The following TBC1D12 variants were observed in gnomAD, a reference collection of about 807,000 sequenced individuals.
TBC1D12 encodes the protein TBC1 domain family member 12.
Under a neutral mutation model 86.7 loss-of-function variants are expected in TBC1D12, and 56 were observed. That is an observed-to-expected ratio of 0.65 (90% CI 0.52 to 0.81). The LOEUF (loss-of-function observed/expected upper bound fraction) is 0.81, where lower values mean the gene tolerates loss of function less well. TBC1D12 is among the 30% of genes least tolerant of loss of function. The pLI is 0.00. For synonymous variants in TBC1D12, 421 were observed against 411.7 expected (o/e 1.02, Z -0.27); for missense variants, 1,023 against 1,038.8 (o/e 0.98, Z 0.21).
chr10:94,487,103 A>T (rs991126207), intron 3 of TBC1D12, among the ~76,000 whole-genome samples: 3 of 151,966 alleles, frequency 2.0e-5, no homozygotes, highest in Non-Finnish European at 2.9e-5. Context: ...GAAGTCTATT[A>T]TGTCTGACAT....
intron 6 of TBC1D12, among the ~76,000 whole-genome samples, chr10:94,504,835 A>G (rs1323589913): frequency 1.3e-5 from 2 of 152,246 alleles, no homozygotes; most frequent in African/African-American, 2.4e-5. Context: ...TCACAAAATC[A>G]GAAAGCAAAA....
intron 2 of TBC1D12, chr10:94,447,781 G>T (rs989607663): frequency 1.8e-6 from 1 of 551,170 alleles, no homozygotes; most frequent in Non-Finnish European, 2.3e-6. Context: ...AGGTAAAGTT[G>T]GAATAGCTAC....
chr10:94,439,294 C>T (rs1355646421), intron 1 of TBC1D12, among the ~76,000 whole-genome samples: 3 of 152,160 alleles, frequency 2.0e-5, no homozygotes, highest in South Asian at 2.1e-4. Context: ...TTTCTTAAAC[C>T]ATGGTGACAA....
intron 1 of TBC1D12, among the ~76,000 whole-genome samples, chr10:94,437,553 C>T (rs913108969): frequency 6.6e-6 from 1 of 152,052 alleles, no homozygotes; most frequent in African/African-American, 2.4e-5. Flanking sequence ...GTCTCGATTT[C>T]CTGACTTTGT....
intron 9 of TBC1D12, among the ~76,000 whole-genome samples, chr10:94,515,347 T>G (rs2056578708): frequency 1.3e-5 from 2 of 151,902 alleles, no homozygotes; most frequent in African/African-American, 4.8e-5. Context: ...TTTTTTGTTT[T>G]GTTTTGTTTT....
chr10:94,502,541 C>CA (rs544199292), intron 6 of TBC1D12, among the ~76,000 whole-genome samples: 27 of 151,386 alleles, frequency 1.8e-4, no homozygotes, highest in African/African-American at 2.9e-4. Flanking sequence ...CCCGTCTCTA[C>CA]AAAAAAAATC....
intron 11 of TBC1D12, among the ~76,000 whole-genome samples, chr10:94,524,409 A>G (rs760830005): frequency 3.3e-5 from 5 of 152,170 alleles, no homozygotes; most frequent in Non-Finnish European, 5.9e-5. Flanking sequence ...TCTACCACAC[A>G]TACTTTTTTT....
At position 94,535,004 on chromosome 10, in the gene TBC1D12, C is replaced by T. The variant is rs1842516223; in HGVS notation, c.*1908C>T. 1 of 152,136 alleles carries T rather than the reference C, an allele frequency of 6.6e-6. No individual in the cohort carries two copies. The highest frequency in any genetic ancestry group is 6.5e-5 in the Admixed American group (1 of 15,272). The allele number at this position is 152,136 out of a possible 1,614,324, so 9.4% of individuals were successfully genotyped here. On this transcript the variant is annotated 3_prime_UTR_variant, in exon 13 of 13. Coordinates refer to ENST00000225235, the MANE Select transcript of TBC1D12 (RefSeq NM_015188.2). ...TCCCAGTCAGGTGCTGTCCAGGGAA[C>T]ATGTTTCCCTTGGGAGGTCTGAACA...
At chr10:94,472,365 A>AAG (rs1237189408) in intron 2 of TBC1D12, among the ~76,000 whole-genome samples, 1 of 152,214 alleles carries the variant, frequency 6.6e-6, no homozygotes, top group Non-Finnish European at 1.5e-5. Flanking sequence ...TCAGCAAATG[A>AAG]GTATACATCT....
At chr10:94,526,183 G>C (rs1382827470) in intron 11 of TBC1D12, among the ~76,000 whole-genome samples, 1 of 152,112 alleles carries the variant, frequency 6.6e-6, no homozygotes, top group African/African-American at 2.4e-5. Flanking sequence ...CATAATCCTA[G>C]CACTTTGGGA....
chr10:94,424,185 C>T (rs546250039), intron 1 of TBC1D12, among the ~76,000 whole-genome samples: 4 of 151,930 alleles, frequency 2.6e-5, no homozygotes, highest in Non-Finnish European at 5.9e-5. Context: ...ATCAGTCCCC[C>T]ACAGATACCA....
intron 3 of TBC1D12, among the ~76,000 whole-genome samples, chr10:94,485,996 T>G (rs1429006796): frequency 6.6e-6 from 1 of 152,072 alleles, no homozygotes; most frequent in Non-Finnish European, 1.5e-5. Context: ...TATTTGAGTC[T>G]TCTTTTTTTC....
intron 3 of TBC1D12, among the ~76,000 whole-genome samples, chr10:94,487,511 C>CA (rs2056183195): frequency 6.6e-6 from 1 of 151,426 alleles, no homozygotes; most frequent in African/African-American, 2.4e-5. Flanking sequence ...ATGTGGCTTG[C>CA]AAATACTACC....
rs567949783 is a variant in TBC1D12, at chr10:94,535,743, A to G, written c.*2647A>G. On this transcript the variant is annotated 3_prime_UTR_variant, in exon 13 of 13. Coordinates refer to ENST00000225235, the MANE Select transcript of TBC1D12 (RefSeq NM_015188.2). Reference sequence around the variant, plus strand: ...AGGTTATACTACCTGACTAAATTTAATCATACTTTCATGTATTTGTTTCCT... The same window carrying G: ...AGGTTATACTACCTGACTAAATTTAGTCATACTTTCATGTATTTGTTTCCT... 1 of 152,276 alleles carries G rather than the reference A, an allele frequency of 6.6e-6. No homozygotes were observed. Among genetic ancestry groups the G allele is most frequent in the South Asian group, 2.1e-4 (1 of 4,816 alleles). The allele number at this position is 152,276 out of a possible 1,614,324, so 9.4% of individuals were successfully genotyped here. A position where few individuals can be genotyped will look rare whatever the true frequency, so the allele number is the denominator to read the frequency against.
In TBC1D12 at chr10:94,522,183, A is replaced by G. The variant is rs1392599078; in HGVS notation, c.1890+100A>G. 5.1e-6 allele frequency: 7 copies of G among 1,382,562 alleles called. No homozygotes were observed. The African/African-American group carries it at 8.8e-5, about 17-fold the overall frequency. 85.6% of individuals were successfully genotyped at this position (1,382,562 alleles called of 1,614,324 possible). A position where few individuals can be genotyped will look rare whatever the true frequency, so the allele number is the denominator to read the frequency against. Reference sequence around the variant, plus strand: ...GCCAAAACAATCTAATCTAATATAAACTTATCATTATATTATAGTTTATTA... The same window carrying G: ...GCCAAAACAATCTAATCTAATATAAGCTTATCATTATATTATAGTTTATTA... On this transcript the variant is annotated intron_variant, in intron 10 of 12. Transcript: ENST00000225235.
At chr10:94,478,855 G>A (rs546694602) in intron 3 of TBC1D12, among the ~76,000 whole-genome samples, 3 of 152,142 alleles carry the variant, frequency 2.0e-5, no homozygotes, top group Non-Finnish European at 2.9e-5. Flanking sequence ...TGCTCAGGAG[G>A]CTGAGGCAGG....
chr10:94,482,646 T>C (rs1376772388), intron 3 of TBC1D12, among the ~76,000 whole-genome samples: 1 of 152,018 alleles, frequency 6.6e-6, no homozygotes, highest in Non-Finnish European at 1.5e-5. Flanking sequence ...GATGGGATTT[T>C]TCCATGTTGG....
intron 1 of TBC1D12, among the ~76,000 whole-genome samples, chr10:94,407,472 A>G (rs1462262602): frequency 6.6e-6 from 1 of 152,216 alleles, no homozygotes; most frequent in African/African-American, 2.4e-5. Context: ...ACCTGAGGTC[A>G]AGAGTTCGAG....
chr10:94,523,192 CAA>C (rs33935088), intron 11 of TBC1D12, among the ~76,000 whole-genome samples: 7 of 44,102 alleles, frequency 1.6e-4, no homozygotes, highest in Middle Eastern at 0.016. Flanking sequence ...AACTCTATCT[CAA>C]AAAAAAAAAA....
Sources: allele counts gnomAD v4.1 joint callset (sites outside exome capture counted in the v4.1 genomes callset), GRCh38; gene constraint gnomAD v4.1.1; transcripts MANE v1.5; gene names NCBI Gene and HGNC (gene_info 2026-07-23, HGNC 2026-07-21).